Variants in ENSA observed in about 807,000 individuals in gnomAD.
ENSA encodes alpha-endosulfine.
A neutral mutation model predicts 16.8 loss-of-function variants in ENSA; 7 were observed. That is an observed-to-expected ratio of 0.42 (90% CI 0.24 to 0.78). ENSA has a LOEUF of 0.78. Ranked by LOEUF, ENSA falls within the 30% of genes least tolerant of loss-of-function variation. The probability of loss-of-function intolerance (pLI) is 0.29; values close to 1 mark genes in which losing one functional copy is unlikely to be tolerated. For missense variants in ENSA, 87 were observed against 142.3 expected (o/e 0.61, Z 1.98); for synonymous variants, 58 against 53.4 (o/e 1.09, Z -0.37).
At chr1:150,629,051 G>A (rs983595666) in intron 1 of ENSA, 7 of 1,613,924 alleles carry the variant, frequency 4.3e-6, no homozygotes, top group Non-Finnish European at 3.4e-6. Flanking sequence ...CCGGTTGCTG[G>A]GTCACTTACC....
chr1:150,628,167 C>A (rs1231583773), intron 1 of ENSA, among the ~76,000 whole-genome samples: 1 of 152,122 alleles, frequency 6.6e-6, no homozygotes, highest in Non-Finnish European at 1.5e-5. Context: ...ATGTTTCCTC[C>A]TTATTTTTTT....
At chr1:150,629,218 C>G (rs1487159611) in intron 1 of ENSA, 196 bp downstream of exon 1, 2 of 1,572,490 alleles carry the variant, frequency 1.3e-6, no homozygotes, top group Non-Finnish European at 1.7e-6. Context: ...AGGAAGAGTA[C>G]AGTACTGAGT....
At chr1:150,623,553 G>C (rs1184793365) in intron 3 of ENSA, 1 of 985,692 alleles carries the variant, frequency 1.0e-6, no homozygotes, top group African/African-American at 1.7e-5. Context: ...CTGAATGATA[G>C]AGAAGGCAGC....
Position 150,622,737 on chromosome 1 carries a change from C to T in ENSA, c.*107G>A. 7.6e-7 allele frequency: 1 copy of T among 1,317,226 alleles called. No individual in the cohort carries two copies. The highest frequency in any genetic ancestry group is 1.0e-6 in the Non-Finnish European group (1 of 961,442). 81.6% of individuals were successfully genotyped at this position (1,317,226 alleles called of 1,614,324 possible). A position where few individuals can be genotyped will look rare whatever the true frequency, so the allele number is the denominator to read the frequency against. On this transcript the variant is annotated 3_prime_UTR_variant, in exon 4 of 4. Coordinates refer to ENST00000369014, the MANE Select transcript of ENSA (RefSeq NM_004436.4). ...GCCTCTCCAGCCCACACCCGAGCCA[C>T]CTCCTGACCCCTGGCTGCAAAAGCA...
intron 3 of ENSA, chr1:150,623,421 T>C (rs1250083017): frequency 1.0e-6 from 1 of 985,884 alleles, no homozygotes; most frequent in Non-Finnish European, 1.2e-6. Flanking sequence ...TTTGTTTTCT[T>C]AGCCTTGAAG....
At chr1:150,624,033 T>C in intron 3 of ENSA, 1 of 985,412 alleles carries the variant, frequency 1.0e-6, no homozygotes, top group Non-Finnish European at 1.2e-6. Flanking sequence ...GGCAAGAGGA[T>C]TACAGAATCT....
At chr1:150,627,709 A>G in intron 1 of ENSA, 117 bp from the exon 2 acceptor site, 2 of 1,030,466 alleles carry the variant, frequency 1.9e-6, no homozygotes, top group Non-Finnish European at 2.8e-6. Context: ...TAAATACGCT[A>G]TCTCTACTCT....
At chr1:150,624,626 G>A (rs1282444289) in intron 3 of ENSA, 2 of 985,482 alleles carry the variant, frequency 2.0e-6, no homozygotes, top group East Asian at 1.1e-4. Context: ...TCTCTTGCCT[G>A]AATTTATAAT....
At chr1:150,623,752 C>T (rs758829365) in intron 3 of ENSA, 13 of 985,572 alleles carry the variant, frequency 1.3e-5, no homozygotes, top group Non-Finnish European at 1.6e-5. Flanking sequence ...AGGATGACAG[C>T]ATGAGGAAAT....
At chr1:150,623,230 C>A in intron 3 of ENSA, 1 of 1,060,522 alleles carries the variant, frequency 9.4e-7, no homozygotes, top group East Asian at 7.7e-5. Flanking sequence ...TGAGGTAGCA[C>A]AGAGATGAGG....
intron 3 of ENSA, chr1:150,623,527 G>A: frequency 1.0e-6 from 1 of 985,636 alleles, no homozygotes; most frequent in Non-Finnish European, 1.2e-6. Context: ...GTGACCAGTA[G>A]TCTTGAGGAC....
intron 2 of ENSA, chr1:150,627,125 T>C (rs1571014138): frequency 9.1e-6 from 13 of 1,425,372 alleles, no homozygotes; most frequent in Middle Eastern, 2.6e-4. Flanking sequence ...AAAATTTATC[T>C]CTAATGCTTA....
rs1451603650 is a variant in ENSA, at chr1:150,629,461, T to C, written c.10A>G (p.Lys4Glu). MSQ[K>E]QEEENPAEET... is the part of the protein sequence containing the mutation. ...TCCGCAGGGTTCTCTTCTTCTTGTTTCTGGGACATGGCGGGACCGGGACTG... is the reference window on the plus strand; with the variant it reads ...TCCGCAGGGTTCTCTTCTTCTTGTTCCTGGGACATGGCGGGACCGGGACTG... The change falls in exon 1 of 4, where the codon AAA becomes GAA. Residue 4 changes from lysine to glutamate, a missense_variant. Coordinates refer to ENST00000369014, the MANE Select transcript of ENSA (RefSeq NM_004436.4). The C allele has an allele frequency of 1.2e-6, 2 of 1,613,680 alleles. No homozygotes were observed. The highest frequency in any genetic ancestry group is 1.7e-6 in the Non-Finnish European group (2 of 1,179,812).
intron 3 of ENSA, chr1:150,624,899 C>G (rs1023285434): frequency 1.0e-6 from 1 of 968,218 alleles, no homozygotes; most frequent in Non-Finnish European, 1.2e-6. Context: ...TACAACAGCT[C>G]TGCTGGGACT....
intron 2 of ENSA, among the ~76,000 whole-genome samples, chr1:150,626,707 C>T (rs1036314635): frequency 5.3e-5 from 8 of 152,178 alleles, no homozygotes; most frequent in African/African-American, 1.9e-4. Context: ...CAGGCGCCCG[C>T]CACCACACCC....
intron 2 of ENSA, among the ~76,000 whole-genome samples, chr1:150,626,711 C>T (rs1412014484): frequency 3.3e-5 from 5 of 152,198 alleles, no homozygotes; most frequent in East Asian, 1.9e-4. Context: ...CGCCCGCCAC[C>T]ACACCCGGCT....
chr1:150,625,666 G>A lies in ENSA; in HGVS notation c.326C>T (p.Ser109Leu), dbSNP rs763394268. The A allele has an allele frequency of 6.2e-7, 1 of 1,608,774 alleles. No individual in the cohort carries two copies. Among genetic ancestry groups the A allele is most frequent in the African/African-American group, 1.3e-5 (1 of 74,796 alleles). ...TPQDLPQRKS[S>L]LVTSKLAGGQ... ...CCCCGCAAGCTTGCTGGTGACGAGC[G>A]AGGACTTTCTCTGGGGCAGATCCTG... The change falls in exon 3 of 4, where the codon TCG (serine) becomes TTG (leucine). Residue 109 changes from serine (S) to leucine (L), a missense_variant. Transcript: ENST00000369014.
Position 150,629,270 on chromosome 1 carries a change from G to A in ENSA, c.57+144C>T, listed in dbSNP as rs1649571782. The A allele has an allele frequency of 2.7e-6, 4 of 1,506,994 alleles. No homozygotes were observed. In the South Asian group the frequency reaches 3.7e-5, roughly 14 times the overall value. 93.4% of individuals were successfully genotyped at this position (1,506,994 alleles called of 1,614,324 possible). A position where few individuals can be genotyped will look rare whatever the true frequency, so the allele number is the denominator to read the frequency against. On this transcript the variant is annotated intron_variant, in intron 1 of 3. Coordinates refer to ENST00000369014, the MANE Select transcript of ENSA (RefSeq NM_004436.4). The stretch of plus-strand genomic sequence containing the variant: ...AACCAGCGCCAAAGCAGCATGTCGT[G>A]TTGAAGCTCACCCAGCGTGACGCAA...
chr1:150,629,530 G>C lies in ENSA; in HGVS notation c.-60C>G, dbSNP rs1649595861. 1.3e-6 allele frequency: 2 copies of C among 1,587,570 alleles called. No individual in the cohort carries two copies. The highest frequency in any genetic ancestry group is 2.7e-5 in the African/African-American group (2 of 73,964). On this transcript the variant is annotated 5_prime_UTR_variant, in exon 1 of 4. Transcript: ENST00000369014. Reference sequence around the variant, plus strand: ...GGAAGGCAACCGGAGAAGGGAAGGGGGAGGGGAAACGGGGACAACCTGCGC... The same window carrying C: ...GGAAGGCAACCGGAGAAGGGAAGGGCGAGGGGAAACGGGGACAACCTGCGC...
Sources: gnomAD v4.1 joint callset for allele counts (sites outside exome capture counted in the v4.1 genomes callset) on GRCh38, gnomAD v4.1.1 for gene constraint, MANE v1.5 for transcripts, NCBI Gene and HGNC (gene_info 2026-07-23, HGNC 2026-07-21) for gene names.